NTM: variants seen among roughly 807,000 people sequenced by gnomAD.
NTM encodes IgLON family member 2.
A neutral mutation model predicts 42.1 loss-of-function variants in NTM; 13 were observed. The observed-to-expected ratio is 0.31, with a 90% CI of 0.20 to 0.49. The LOEUF (loss-of-function observed/expected upper bound fraction) is 0.49. Among genes scored for constraint, NTM ranks in the 20% least tolerant of loss-of-function variants. The probability of loss-of-function intolerance (pLI) is 0.99; values close to 1 mark genes in which losing one functional copy is unlikely to be tolerated. For missense variants in NTM, 373 were observed against 452.8 expected, an observed-to-expected ratio of 0.82 and a Z score of 1.60; for synonymous variants, 187 against 179.2, an observed-to-expected ratio of 1.04 and a Z score of -0.35.
At chr11:131,857,533 C>T (rs1235904674) in intron 1 of NTM, among the ~76,000 whole-genome samples, 2 of 152,170 alleles carry the variant, frequency 1.3e-5, no homozygotes, top group African/African-American at 2.4e-5. Flanking sequence ...TGCATTACTC[C>T]TTGCTGCTAG....
chr11:132,079,356 C>T (rs1021286611), intron 2 of NTM, among the ~76,000 whole-genome samples: 1 of 152,200 alleles, frequency 6.6e-6, no homozygotes. Context: ...GATTTAGAAT[C>T]AGGCAACCTG....
intron 1 of NTM, among the ~76,000 whole-genome samples, chr11:131,770,550 C>T (rs1385005652): frequency 3.3e-5 from 5 of 152,204 alleles, no homozygotes; most frequent in African/African-American, 9.7e-5. Flanking sequence ...ATGACCACTT[C>T]AGAGCCTTGC....
At chr11:132,090,260 C>T (rs533662298) in intron 2 of NTM, among the ~76,000 whole-genome samples, 6 of 152,298 alleles carry the variant, frequency 3.9e-5, no homozygotes, top group Non-Finnish European at 7.3e-5. Flanking sequence ...TAAGCACTTG[C>T]AAGTCACCTT....
At chr11:131,961,399 G>A (rs1442766509) in intron 2 of NTM, among the ~76,000 whole-genome samples, 8 of 152,190 alleles carry the variant, frequency 5.3e-5, no homozygotes, top group Non-Finnish European at 7.3e-5. Flanking sequence ...CCAAAGCTTG[G>A]TGATACCAGA....
chr11:132,157,709 T>G (rs1156743714), intron 3 of NTM, among the ~76,000 whole-genome samples: 1 of 152,192 alleles, frequency 6.6e-6, no homozygotes, highest in Non-Finnish European at 1.5e-5. Flanking sequence ...CATCTCAAAC[T>G]GAAAATGTAA....
intron 2 of NTM, among the ~76,000 whole-genome samples, chr11:132,096,086 A>G (rs2060943834): frequency 6.6e-6 from 1 of 152,182 alleles, no homozygotes; most frequent in South Asian, 2.1e-4. Context: ...AGCCTCAGTG[A>G]CAGATTCTGT....
intron 1 of NTM, among the ~76,000 whole-genome samples, chr11:131,508,442 G>C (rs947267169): frequency 2.0e-5 from 3 of 148,384 alleles, no homozygotes; most frequent in African/African-American, 7.6e-5. Flanking sequence ...TGGTGGGACT[G>C]TAAACTAGTT....
intron 1 of NTM, among the ~76,000 whole-genome samples, chr11:131,792,857 T>C (rs1293200997): frequency 6.6e-6 from 1 of 152,248 alleles, no homozygotes. Context: ...TAGTCAAATA[T>C]TTCTTTAGAA....
At chr11:131,438,851 AG>A (rs1303727405) in intron 1 of NTM, among the ~76,000 whole-genome samples, 1 of 152,120 alleles carries the variant, frequency 6.6e-6, no homozygotes, top group Non-Finnish European at 1.5e-5. Context: ...AGTCCTTTGG[AG>A]GAGAAGAGAC....
intron 1 of NTM, among the ~76,000 whole-genome samples, chr11:131,845,066 A>T (rs941574956): frequency 6.6e-6 from 1 of 152,226 alleles, no homozygotes; most frequent in Non-Finnish European, 1.5e-5. Context: ...TTGACTATTA[A>T]ATAGGAAATT....
chr11:131,831,323 AAC>A (rs753332880), intron 1 of NTM, among the ~76,000 whole-genome samples: 9 of 152,196 alleles, frequency 5.9e-5, no homozygotes, highest in Non-Finnish European at 1.3e-4. Flanking sequence ...AAGGCATATT[AAC>A]AAATCTGATG....
chr11:131,920,413 A>G (rs1027731085), intron 2 of NTM, among the ~76,000 whole-genome samples: 3 of 152,206 alleles, frequency 2.0e-5, no homozygotes, highest in Non-Finnish European at 2.9e-5. Flanking sequence ...ACTTTTGGTC[A>G]GGTCTAGGGC....
At chr11:131,614,170 C>T (rs1248106108) in intron 1 of NTM, among the ~76,000 whole-genome samples, 1 of 152,188 alleles carries the variant, frequency 6.6e-6, no homozygotes, top group East Asian at 1.9e-4. Context: ...AGCTGCCTCC[C>T]TCAGCGGGAG....
intron 2 of NTM, among the ~76,000 whole-genome samples, chr11:132,021,701 T>G (rs2074360976): frequency 6.6e-6 from 1 of 152,190 alleles, no homozygotes; most frequent in Non-Finnish European, 1.5e-5. Context: ...TTCCCATAGG[T>G]TGCCCCCCAG....
intron 2 of NTM, among the ~76,000 whole-genome samples, chr11:132,102,848 C>T (rs1264477460): frequency 6.6e-6 from 1 of 152,186 alleles, no homozygotes; most frequent in Non-Finnish European, 1.5e-5. Context: ...CTGTGTGGAG[C>T]CTGTCTTCCC....
intron 1 of NTM, among the ~76,000 whole-genome samples, chr11:131,486,848 A>G (rs1954225264): frequency 1.3e-5 from 2 of 152,138 alleles, no homozygotes; most frequent in Admixed American, 6.5e-5. Flanking sequence ...TTTTCCTGCC[A>G]TCCCTCTTAG....
At chr11:131,719,003 A>C (rs2078034878) in intron 1 of NTM, among the ~76,000 whole-genome samples, 1 of 152,062 alleles carries the variant, frequency 6.6e-6, no homozygotes, top group Non-Finnish European at 1.5e-5. Context: ...TCAGCCTCCC[A>C]GGTTCAGGTC....
intron 1 of NTM, among the ~76,000 whole-genome samples, chr11:131,521,433 T>G (rs2049698526): frequency 2.0e-5 from 2 of 99,812 alleles, no homozygotes; most frequent in Admixed American, 1.5e-4. Flanking sequence ...GAGACGGGAG[T>G]CTCGCTCTGT....
chr11:131,418,706 G>T (rs1046311784), intron 1 of NTM, among the ~76,000 whole-genome samples: 5 of 152,166 alleles, frequency 3.3e-5, no homozygotes, highest in Admixed American at 3.3e-4. Flanking sequence ...GGAGTCACTG[G>T]AGAGGTTAGG....
Sources: gnomAD v4.1 joint callset for allele counts (sites outside exome capture counted in the v4.1 genomes callset) on GRCh38, gnomAD v4.1.1 for gene constraint, MANE v1.5 for transcripts, NCBI Gene and HGNC (gene_info 2026-07-23, HGNC 2026-07-21) for gene names.